PCDH17: variants seen among roughly 807,000 people sequenced by gnomAD.
PCDH17 encodes protocadherin 17, also known as protocadherin-17.
PCDH17 carries 21 observed loss-of-function variants against 67.7 expected under a neutral mutation model. That is an observed-to-expected ratio of 0.31 (90% CI 0.22 to 0.45). The LOEUF (loss-of-function observed/expected upper bound fraction) is 0.45. Ranked by LOEUF, PCDH17 falls within the 20% of genes least tolerant of loss-of-function variation. PCDH17 has a pLI of 1.00. For synonymous variants in PCDH17, 701 were observed against 656.7 expected, an observed-to-expected ratio of 1.07 and a Z score of -1.03; for missense variants, 1,471 against 1,564.8, an observed-to-expected ratio of 0.94 and a Z score of 1.01.
At chr13:57,664,996 A>G (rs1327479305) in intron 1 of PCDH17, among the ~76,000 whole-genome samples, 1 of 152,210 alleles carries the variant, frequency 6.6e-6, no homozygotes, top group African/African-American at 2.4e-5. Context: ...GTCTGCTACC[A>G]ACTGCTAGTA....
chr13:57,705,598 T>TA (rs1955713878), intron 3 of PCDH17, among the ~76,000 whole-genome samples: 1 of 152,144 alleles, frequency 6.6e-6, no homozygotes, highest in African/African-American at 2.4e-5. Context: ...AATAACTCAC[T>TA]AGTATATATG....
intron 1 of PCDH17, among the ~76,000 whole-genome samples, chr13:57,650,980 G>T (rs1249388955): frequency 3.3e-5 from 5 of 152,148 alleles, no homozygotes; most frequent in African/African-American, 1.2e-4. Flanking sequence ...TAATATTGAG[G>T]TGTTCCGCTA....
In PCDH17 at chr13:57,728,491, C is replaced by A; in HGVS notation, c.*3197C>A. The A allele has an allele frequency of 9.7e-6, 1 of 103,086 alleles. No individual in the cohort carries two copies. The highest frequency in any genetic ancestry group is 1.9e-5 in the Non-Finnish European group (1 of 52,590). The allele number at this position is 103,086 out of a possible 1,614,324, so 6.4% of individuals were successfully genotyped here. A position where few individuals can be genotyped will look rare whatever the true frequency, so the allele number is the denominator to read the frequency against. On this transcript the variant is annotated 3_prime_UTR_variant, in exon 4 of 4. Coordinates refer to ENST00000377918, the MANE Select transcript of PCDH17 (RefSeq NM_001040429.3). ...TGGAAATTTCAGTAAGAAACCCAAA[C>A]TTCTAAAAATTGCTTGCAGATGAGC...
chr13:57,704,282 A>G (rs1030613926), intron 3 of PCDH17, among the ~76,000 whole-genome samples: 1 of 152,124 alleles, frequency 6.6e-6, no homozygotes. Context: ...TGATGATTAC[A>G]TGGCTTATTA....
intron 1 of PCDH17, among the ~76,000 whole-genome samples, chr13:57,661,149 A>T (rs1261132966): frequency 4.6e-5 from 7 of 152,204 alleles, no homozygotes; most frequent in Non-Finnish European, 1.0e-4. Context: ...GTTGTTCCAC[A>T]TCCTCATCAG....
chr13:57,632,771 G>A lies in PCDH17; in HGVS notation c.225G>A (p.Leu75=). ...RVLENSAPHL[L]DVDADSGLLY... ...TGGAGAACTCCGCACCGCACCTGCT[G>A]GACGTGGACGCAGACAGCGGGCTCC... is the stretch of plus-strand genomic sequence containing the variant. The change falls in exon 1 of 4, where the codon CTG becomes CTA. Residue 75 remains leucine, a synonymous_variant. Coordinates refer to ENST00000377918, the MANE Select transcript of PCDH17 (RefSeq NM_001040429.3). 2 of 1,612,956 alleles carry A rather than the reference G, an allele frequency of 1.2e-6. No individual in the cohort carries two copies. The highest frequency in any genetic ancestry group is 1.7e-6 in the Non-Finnish European group (2 of 1,179,926).
intron 3 of PCDH17, among the ~76,000 whole-genome samples, chr13:57,675,009 T>C (rs889191810): frequency 2.0e-5 from 3 of 151,880 alleles, no homozygotes; most frequent in African/African-American, 7.2e-5. Context: ...ACTCTTTCCA[T>C]CCTACCAAGC....
At chr13:57,673,655 G>C (rs1955352958) in intron 3 of PCDH17, among the ~76,000 whole-genome samples, 1 of 151,712 alleles carries the variant, frequency 6.6e-6, no homozygotes, top group African/African-American at 2.4e-5. Flanking sequence ...CATATATGGG[G>C]GACAGGAAGA....
At chr13:57,714,729 C>G (rs1263005420) in intron 3 of PCDH17, among the ~76,000 whole-genome samples, 1 of 151,702 alleles carries the variant, frequency 6.6e-6, no homozygotes, top group East Asian at 1.9e-4. Flanking sequence ...TCTTTCAAGA[C>G]TCTAAAATTA....
intron 3 of PCDH17, among the ~76,000 whole-genome samples, chr13:57,672,320 G>A (rs1955332665): frequency 3.9e-5 from 6 of 151,954 alleles, no homozygotes; most frequent in Admixed American, 3.9e-4. Flanking sequence ...AATCAAAATA[G>A]GCTTAGGCTA....
intron 1 of PCDH17, among the ~76,000 whole-genome samples, chr13:57,645,913 T>C (rs1055968325): frequency 2.0e-5 from 3 of 151,406 alleles, no homozygotes; most frequent in African/African-American, 7.3e-5. Context: ...GATCATTTCG[T>C]CTATATATTA....
chr13:57,660,776 T>A (rs1180451485), intron 1 of PCDH17, among the ~76,000 whole-genome samples: 1 of 152,246 alleles, frequency 6.6e-6, no homozygotes, highest in Non-Finnish European at 1.5e-5. Context: ...ATAAATTGAA[T>A]GATACAGTAT....
intron 1 of PCDH17, among the ~76,000 whole-genome samples, chr13:57,661,543 G>T (rs1471204657): frequency 1.3e-5 from 2 of 152,012 alleles, no homozygotes; most frequent in African/African-American, 4.8e-5. Context: ...CTTTCACAAA[G>T]ATTTTCTGCT....
intron 3 of PCDH17, among the ~76,000 whole-genome samples, chr13:57,686,980 G>A (rs2138056245): frequency 6.6e-6 from 1 of 152,056 alleles, no homozygotes; most frequent in South Asian, 2.1e-4. Context: ...AGAACATAGT[G>A]AGCCCCATCC....
At chr13:57,676,966 A>G (rs993016958) in intron 3 of PCDH17, among the ~76,000 whole-genome samples, 2 of 151,932 alleles carry the variant, frequency 1.3e-5, no homozygotes, top group Admixed American at 1.3e-4. Flanking sequence ...CTATTTTGAA[A>G]GAAGAAACAT....
intron 3 of PCDH17, among the ~76,000 whole-genome samples, chr13:57,711,989 T>C (rs1457862222): frequency 6.6e-6 from 1 of 151,550 alleles, no homozygotes; most frequent in Non-Finnish European, 1.5e-5. Context: ...AAAACAACTA[T>C]ACTCAATAAG....
intron 3 of PCDH17, among the ~76,000 whole-genome samples, chr13:57,724,343 T>G (rs2138106163): frequency 6.6e-6 from 1 of 152,330 alleles, no homozygotes; most frequent in East Asian, 1.9e-4. Context: ...TGCTCTATTC[T>G]ACTGAGAATG....
At chr13:57,680,194 G>A (rs1432276667) in intron 3 of PCDH17, among the ~76,000 whole-genome samples, 2 of 151,204 alleles carry the variant, frequency 1.3e-5, no homozygotes, top group East Asian at 3.9e-4. Context: ...AATTTTGCTA[G>A]AGAAGTAAAT....
At chr13:57,680,468 C>T (rs753995477) in intron 3 of PCDH17, among the ~76,000 whole-genome samples, 13 of 151,410 alleles carry the variant, frequency 8.6e-5, no homozygotes, top group Non-Finnish European at 1.6e-4. Flanking sequence ...TTGTTAGGGT[C>T]AGATTATGAA....
Sources: allele counts gnomAD v4.1 joint callset (sites outside exome capture counted in the v4.1 genomes callset), GRCh38; gene constraint gnomAD v4.1.1; transcripts MANE v1.5; gene names NCBI Gene and HGNC (gene_info 2026-07-23, HGNC 2026-07-21).